The following MMP25 variants were observed in gnomAD, a reference collection of about 807,000 sequenced individuals.
MMP25 encodes the protein matrix metallopeptidase 25.
Under a neutral mutation model 62.1 loss-of-function variants are expected in MMP25, and 68 were observed. The observed-to-expected ratio is 1.10, with a 90% confidence interval of 0.90 to 1.34. The LOEUF (loss-of-function observed/expected upper bound fraction) is 1.34, where lower values mean the gene tolerates loss of function less well. Ranked by LOEUF, MMP25 falls within the 40% of genes most tolerant of loss-of-function variation. The pLI, the probability that MMP25 is intolerant of heterozygous loss-of-function variation, is 0.00. For missense variants in MMP25, 942 were observed against 792.5 expected (o/e 1.19, Z -2.26); for synonymous variants, 407 against 345.6 (o/e 1.18, Z -1.97).
intron 4 of MMP25, chr16:3,055,811 T>C (rs1293530128): frequency 4.4e-6 from 2 of 454,856 alleles, no homozygotes; most frequent in Admixed American, 2.4e-5. Flanking sequence ...GGGCTGTGTC[T>C]CTGTCTTGGT....
At position 3,047,025 on chromosome 16, in the gene MMP25, G is replaced by A. The variant is rs1281056323; in HGVS notation, c.99+9G>A. ...ACGTGAGCCTGGGCGTGGTGAGCGC[G>A]GGGTCCGCAGGCTCCTGGGGTCTGC... On this transcript the variant is annotated intron_variant, in intron 1 of 9. Coordinates refer to ENST00000336577, the MANE Select transcript of MMP25 (RefSeq NM_022468.5). The A allele has an allele frequency of 9.1e-6, 13 of 1,431,134 alleles. No homozygotes were observed. The highest frequency in any genetic ancestry group is 1.2e-5 in the Non-Finnish European group (13 of 1,100,160). The allele number at this position is 1,431,134 out of a possible 1,614,324, so 88.7% of individuals were successfully genotyped here. A position where few individuals can be genotyped will look rare whatever the true frequency, so the allele number is the denominator to read the frequency against.
intron 7 of MMP25, 141 bp from the exon 8 acceptor site, chr16:3,058,040 C>A (rs755484521): frequency 2.0e-4 from 195 of 983,592 alleles, no homozygotes; most frequent in Middle Eastern, 5.2e-4. Context: ...AAGTCTCAGG[C>A]GGGCCAGGAT....
Position 3,058,675 on chromosome 16 carries a change from G to A in MMP25, c.1417+6G>A, listed in dbSNP as rs1290185949. 6.3e-7 allele frequency: 1 copy of A among 1,592,308 alleles called. No homozygotes were observed. Among genetic ancestry groups the A allele is most frequent in the Non-Finnish European group, 8.6e-7 (1 of 1,168,560 alleles). On this transcript the variant is annotated splice_donor_region_variant and intron_variant, in intron 9 of 9. Coordinates refer to ENST00000336577, the MANE Select transcript of MMP25 (RefSeq NM_022468.5). Reference sequence around the variant, plus strand: ...TGTCACCGTCAGCAACGCAGGTGGGGAGCGCGGTGACCTGCGGGTTACTGG... The same window carrying A: ...TGTCACCGTCAGCAACGCAGGTGGGAAGCGCGGTGACCTGCGGGTTACTGG...
intron 2 of MMP25, 37 bp downstream of exon 2, chr16:3,047,584 C>T: frequency 6.2e-7 from 1 of 1,603,194 alleles, no homozygotes; most frequent in Non-Finnish European, 8.5e-7. Context: ...CCTGCCTCTG[C>T]ACCCAGCCTG....
In MMP25 at chr16:3,050,398, C is replaced by G; in HGVS notation, c.513C>G (p.Leu171=). ...DSPQGQEPDI[L]IDFARAFHQD... ...CCCAGGGCCAGGAGCCCGACATCCT[C>G]ATCGACTTTGCCCGCGCCTTCCACC... The change falls in exon 4 of 10, where the codon CTC becomes CTG. Residue 171 remains leucine (L), a synonymous_variant. Transcript: ENST00000336577. 4 of 1,614,062 alleles carry G rather than the reference C, an allele frequency of 2.5e-6. No individual in the cohort carries two copies. Among genetic ancestry groups the G allele is most frequent in the Non-Finnish European group, 3.4e-6 (4 of 1,180,024 alleles).
At chr16:3,049,854 T>C in intron 2 of MMP25, 155 bp from the exon 3 acceptor site, 1 of 1,101,144 alleles carries the variant, frequency 9.1e-7, no homozygotes, top group Non-Finnish European at 1.3e-6. Context: ...AGAGACAGAC[T>C]GCCTGGGTTC....
chr16:3,047,195 G>T (rs1293527332), intron 1 of MMP25, among the ~76,000 whole-genome samples, 179 bp downstream of exon 1: 1 of 152,230 alleles, frequency 6.6e-6, no homozygotes, highest in African/African-American at 2.4e-5. Flanking sequence ...GCTGGGATTT[G>T]GAGCTCTGGA....
At chr16:3,049,939 G>A (rs1362359990) in intron 2 of MMP25, 70 bp from the exon 3 acceptor site, 62 of 1,593,710 alleles carry the variant, frequency 3.9e-5, no homozygotes, top group Non-Finnish European at 5.2e-5. Context: ...GTAGAAAGTT[G>A]ACTGGTGCTA....
At chr16:3,054,721 G>A (rs1451806444) in intron 4 of MMP25, 2 of 149,720 alleles carry the variant, frequency 1.3e-5, no homozygotes, top group Non-Finnish European at 3.0e-5. Context: ...CAGAGGCGGG[G>A]ATGGATGGAC....
intron 4 of MMP25, chr16:3,051,574 C>T (rs1286225432): frequency 2.0e-5 from 3 of 152,236 alleles, no homozygotes; most frequent in Admixed American, 6.5e-5. Context: ...CAAACTGACA[C>T]ACACAATGAA....
chr16:3,057,448 G>A (rs1442394470), intron 6 of MMP25, 54 bp downstream of exon 6: 4 of 1,600,334 alleles, frequency 2.5e-6, no homozygotes, highest in Non-Finnish European at 3.4e-6. Flanking sequence ...CAGCCTCAGT[G>A]TCCTCTGAGA....
intron 3 of MMP25, 54 bp downstream of exon 3, chr16:3,050,198 G>A: frequency 5.1e-6 from 8 of 1,577,780 alleles, no homozygotes; most frequent in Non-Finnish European, 6.9e-6. Context: ...CTCCGGCTTT[G>A]AATGGCTGCC....
At chr16:3,050,215 C>G (rs756902468) in intron 3 of MMP25, 39 bp from the exon 4 acceptor site, 1 of 1,575,574 alleles carries the variant, frequency 6.3e-7, no homozygotes, top group South Asian at 1.2e-5. Context: ...TGCCTGCTCC[C>G]TCCACGGCCA....
At chr16:3,047,311 G>T in intron 1 of MMP25, 104 bp from the exon 2 acceptor site, 1 of 1,492,742 alleles carries the variant, frequency 6.7e-7, no homozygotes, top group South Asian at 1.3e-5. Flanking sequence ...TGGGGCCCTG[G>T]GCTCTGGGTG....
In MMP25 at chr16:3,047,472, C is replaced by T. The variant is rs769320311; in HGVS notation, c.157C>T (p.Gln53Ter). ...PPPHPAQAQLQSPEKLRDAIK... is the reference protein window; with the variant it reads ...PPPHPAQAQL Reference sequence around the variant, plus strand: ...ACCCCACCCTGCCCAGGCCCAGCTGCAGAGCCCTGAGAAGTTGCGCGATGC... The same window carrying T: ...ACCCCACCCTGCCCAGGCCCAGCTGTAGAGCCCTGAGAAGTTGCGCGATGC... The change falls in exon 2 of 10, where the codon CAG becomes TAG. Residue 53 changes from glutamine to a stop codon, truncating the protein, a stop_gained. Transcript: ENST00000336577. LOFTEE classifies it high-confidence loss of function. The T allele has an allele frequency of 7.4e-6, 12 of 1,613,854 alleles. No homozygotes were observed. Among genetic ancestry groups the T allele is most frequent in the East Asian group, 4.5e-5 (2 of 44,890 alleles).
chr16:3,049,167 G>A (rs1230417738), intron 2 of MMP25, among the ~76,000 whole-genome samples: 3 of 151,768 alleles, frequency 2.0e-5, no homozygotes, highest in Non-Finnish European at 4.4e-5. Flanking sequence ...CAGGAGCCCT[G>A]AGACCAGGCA....
rs1195470343 is a variant in MMP25 at position 3,049,991 on chromosome 16, G to A, written c.233-18G>A. The A allele has an allele frequency of 2.5e-6, 4 of 1,606,964 alleles. No homozygotes were observed. The highest frequency in any genetic ancestry group is 3.4e-6 in the Non-Finnish European group (4 of 1,179,886). ...TCCTATTGTGGACACACCCCCCACC[G>A]CCAAATGTCTCCCGCAGACCCAGGG... On this transcript the variant is annotated intron_variant, in intron 2 of 9. Transcript: ENST00000336577.
Position 3,047,436 on chromosome 16 carries a change from T to A in MMP25, c.121T>A (p.Tyr41Asn). The change falls in exon 2 of 10, where the codon TAC becomes AAC. Residue 41 changes from tyrosine to asparagine, a missense_variant. Physicochemically the swap from Tyr to Asn is moderately radical, Grantham distance 143 (BLOSUM62 -2). Coordinates refer to ENST00000336577, the MANE Select transcript of MMP25 (RefSeq NM_022468.5). ...CTAGGACTGGCTGACTCGCTATGGT[T>A]ACCTGCCGCCACCCCACCCTGCCCA... ...LGVDWLTRYGYLPPPHPAQAQ... is the reference protein window; with the variant it reads ...LGVDWLTRYGNLPPPHPAQAQ... 6.2e-7 allele frequency: 1 copy of A among 1,613,602 alleles called. No homozygotes were observed.
At chr16:3,057,778 A>T in intron 7 of MMP25, 165 bp downstream of exon 7, 1 of 677,284 alleles carries the variant, frequency 1.5e-6, no homozygotes, top group Non-Finnish European at 2.6e-6. Context: ...GGCTCACTGC[A>T]GCCTCAAAAT....
Sources: allele counts gnomAD v4.1 joint callset (sites outside exome capture counted in the v4.1 genomes callset), GRCh38; gene constraint gnomAD v4.1.1; transcripts MANE v1.5; gene names NCBI Gene and HGNC (gene_info 2026-07-23, HGNC 2026-07-21).